STARD13: variants seen among roughly 807,000 people sequenced by gnomAD.
The protein encoded by STARD13 is stAR-related lipid transfer protein 13.
A neutral mutation model predicts 106.4 loss-of-function variants in STARD13; 62 were observed. The ratio of observed to expected loss-of-function variants is 0.58; its 90% CI spans 0.48 to 0.72. The LOEUF (loss-of-function observed/expected upper bound fraction) is 0.72, where lower values mean the gene tolerates loss of function less well. Among genes scored for constraint, STARD13 ranks in the 30% least tolerant of loss-of-function variants. The probability of loss-of-function intolerance (pLI) is 0.00; values close to 1 mark genes in which losing one functional copy is unlikely to be tolerated. For missense variants in STARD13, 1,387 were observed against 1,424.0 expected (o/e 0.97, Z 0.42); for synonymous variants, 565 against 553.0 (o/e 1.02, Z -0.31).
the STARD13 span, among the ~76,000 whole-genome samples, chr13:33,582,885 T>C: frequency 6.6e-6 from 1 of 152,202 alleles, no homozygotes; most frequent in South Asian, 2.1e-4. Context: ...GGTGAGATTT[T>C]GACAAAAACT....
chr13:33,362,425 T>C, the STARD13 span, among the ~76,000 whole-genome samples: 5 of 152,146 alleles, frequency 3.3e-5, no homozygotes, highest in African/African-American at 7.2e-5. Context: ...ACATAAGATT[T>C]GGAGGGGACA....
intron 1 of STARD13, among the ~76,000 whole-genome samples, chr13:33,204,744 C>T (rs1887294613): frequency 6.6e-6 from 1 of 152,234 alleles, no homozygotes; most frequent in Non-Finnish European, 1.5e-5. Flanking sequence ...AAACAGTTCT[C>T]CTCTCAGCTC....
At chr13:33,523,918 G>A in the STARD13 span, among the ~76,000 whole-genome samples, 1 of 152,190 alleles carries the variant, frequency 6.6e-6, no homozygotes. Context: ...TGCATTTGCA[G>A]CATAAGTTTT....
chr13:33,463,076 T>G, the STARD13 span, among the ~76,000 whole-genome samples: 1 of 152,212 alleles, frequency 6.6e-6, no homozygotes, highest in Non-Finnish European at 1.5e-5. Flanking sequence ...AAGTAAATAG[T>G]TTGCAAATCT....
Position 33,111,761 on chromosome 13 carries a change from T to C in STARD13, c.2607+17A>G. 6.4e-7 allele frequency: 1 copy of C among 1,553,108 alleles called. No individual in the cohort carries two copies. Among genetic ancestry groups the C allele is most frequent in the Non-Finnish European group, 8.9e-7 (1 of 1,124,344 alleles). ...CAAGAGCTACTAGGGAGGCGGAGGT[T>C]CGAGCCTTTTGCTCACCTCAAAAAG... On this transcript the variant is annotated intron_variant, in intron 10 of 13. Coordinates refer to ENST00000336934, the MANE Select transcript of STARD13 (RefSeq NM_178006.4).
intron 8 of STARD13, 138 bp downstream of exon 8, chr13:33,117,927 C>T (rs1593872746): frequency 9.0e-6 from 13 of 1,447,098 alleles, no homozygotes; most frequent in South Asian, 4.6e-5. Flanking sequence ...AAGTTACTTC[C>T]GTAGAGGAGA....
the STARD13 span, among the ~76,000 whole-genome samples, chr13:33,384,799 A>G: frequency 1.3e-5 from 2 of 152,010 alleles, no homozygotes; most frequent in African/African-American, 4.8e-5. Context: ...ACCCTCAAAA[A>G]AGACTGCATG....
chr13:33,603,444 G>A, the STARD13 span, among the ~76,000 whole-genome samples: 4 of 152,090 alleles, frequency 2.6e-5, no homozygotes, highest in Non-Finnish European at 5.9e-5. Flanking sequence ...CATACATAAC[G>A]CTGGGACTTA....
intron 11 of STARD13, 53 bp downstream of exon 11, chr13:33,110,633 G>C: frequency 6.7e-7 from 1 of 1,489,896 alleles, no homozygotes; most frequent in Non-Finnish European, 9.4e-7. Flanking sequence ...ACAAATGTCT[G>C]ATTGTTAGCT....
the STARD13 span, among the ~76,000 whole-genome samples, chr13:33,647,602 C>T: frequency 2.0e-5 from 3 of 152,182 alleles, no homozygotes; most frequent in Non-Finnish European, 4.4e-5. Context: ...ATGACAGTCC[C>T]ATTAGTTGGA....
At chr13:33,595,901 T>C in the STARD13 span, among the ~76,000 whole-genome samples, 1 of 152,204 alleles carries the variant, frequency 6.6e-6, no homozygotes, top group Admixed American at 6.5e-5. Context: ...TTTCTGCTAA[T>C]TGTCCTGAAG....
chr13:33,335,966 T>TTC (rs2077891713), intron 1 of STARD13, among the ~76,000 whole-genome samples: 1 of 52,668 alleles, frequency 1.9e-5, no homozygotes, highest in Non-Finnish European at 4.4e-5. Context: ...GTTAAAATAT[T>TTC]ATTCATTCAT....
At chr13:33,528,265 T>TATATATATATATATATATATATAC in the STARD13 span, among the ~76,000 whole-genome samples, 27 of 131,530 alleles carry the variant, frequency 2.1e-4, no homozygotes, top group African/African-American at 8.0e-4. Context: ...TACATATATA[T>TATATATATATATATATATATATAC]ATATATATAC....
At chr13:33,635,855 G>T in the STARD13 span, among the ~76,000 whole-genome samples, 1 of 151,328 alleles carries the variant, frequency 6.6e-6, no homozygotes, top group Non-Finnish European at 1.5e-5. Context: ...GTGGTGGCGG[G>T]CACCTGTACT....
chr13:33,190,830 G>A (rs1297598717), intron 1 of STARD13, among the ~76,000 whole-genome samples: 2 of 151,734 alleles, frequency 1.3e-5, no homozygotes, highest in African/African-American at 2.4e-5. Context: ...GTGATCCACC[G>A]GCCTTGGCCT....
chr13:33,633,891 G>A, the STARD13 span, among the ~76,000 whole-genome samples: 4 of 152,066 alleles, frequency 2.6e-5, no homozygotes, highest in Non-Finnish European at 5.9e-5. Flanking sequence ...CCACCCTCTT[G>A]GGGCTCCCTG....
chr13:33,183,834 C>A (rs367986225), intron 1 of STARD13, among the ~76,000 whole-genome samples: 16 of 152,152 alleles, frequency 1.1e-4, no homozygotes, highest in African/African-American at 3.6e-4. Context: ...AAACCCAATT[C>A]CCCCAGGCTG....
intron 3 of STARD13, among the ~76,000 whole-genome samples, chr13:33,144,316 C>A (rs1880236100): frequency 6.6e-6 from 1 of 152,364 alleles, no homozygotes; most frequent in East Asian, 1.9e-4. Context: ...TACTCCTTCA[C>A]AATCTACATT....
the STARD13 span, among the ~76,000 whole-genome samples, chr13:33,363,626 C>T: frequency 6.6e-6 from 1 of 152,180 alleles, no homozygotes; most frequent in Admixed American, 6.5e-5. Context: ...TTAAATGCAC[C>T]ACACTCTCTG....
Sources: gnomAD v4.1 joint callset for allele counts (sites outside exome capture counted in the v4.1 genomes callset) on GRCh38, gnomAD v4.1.1 for gene constraint, MANE v1.5 for transcripts, NCBI Gene and HGNC (gene_info 2026-07-23, HGNC 2026-07-21) for gene names.